The following LRFN2 variants were observed in gnomAD, a reference collection of about 807,000 sequenced individuals.
The protein encoded by LRFN2 is leucine-rich repeat and fibronectin type-III domain-containing protein 2.
In LRFN2, 18 loss-of-function variants were observed where a neutral mutation model predicts 37.3. That is an observed-to-expected ratio of 0.48 (90% CI 0.33 to 0.72). LRFN2 has a LOEUF of 0.72. LRFN2 is among the 30% of genes least tolerant of loss of function. LRFN2 has a pLI of 0.02. For missense variants in LRFN2, 1,006 were observed against 1,060.7 expected, an observed-to-expected ratio of 0.95 and a Z score of 0.72; for synonymous variants, 556 against 466.6, an observed-to-expected ratio of 1.19 and a Z score of -2.47.
At chr6:40,542,476 T>C (rs1160604652) in intron 1 of LRFN2, among the ~76,000 whole-genome samples, 1 of 151,488 alleles carries the variant, frequency 6.6e-6, no homozygotes, top group African/African-American at 2.4e-5. Context: ...GGAAAACATC[T>C]GCAGAGCACC....
At chr6:40,453,873 A>T (rs1237362379) in intron 1 of LRFN2, among the ~76,000 whole-genome samples, 2 of 152,198 alleles carry the variant, frequency 1.3e-5, no homozygotes, top group Non-Finnish European at 2.9e-5. Flanking sequence ...TCCCATAAAC[A>T]TCCAGGCCCT....
At chr6:40,395,496 C>T (rs1465269846) in intron 2 of LRFN2, among the ~76,000 whole-genome samples, 1 of 152,174 alleles carries the variant, frequency 6.6e-6, no homozygotes, top group South Asian at 2.1e-4. Flanking sequence ...CTGGGCAGGG[C>T]CTGAGGAGCC....
chr6:40,436,963 A>G (rs1382663007), intron 1 of LRFN2, among the ~76,000 whole-genome samples: 1 of 152,086 alleles, frequency 6.6e-6, no homozygotes, highest in Non-Finnish European at 1.5e-5. Flanking sequence ...ACATCCAAGG[A>G]TGTCCCTTGC....
At chr6:40,457,530 T>C (rs1032070723) in intron 1 of LRFN2, among the ~76,000 whole-genome samples, 4 of 150,742 alleles carry the variant, frequency 2.7e-5, no homozygotes, top group Non-Finnish European at 5.9e-5. Context: ...CCCAGCACCT[T>C]GAGAGGCTGA....
chr6:40,530,415 C>A (rs1766323032), intron 1 of LRFN2, among the ~76,000 whole-genome samples: 1 of 152,156 alleles, frequency 6.6e-6, no homozygotes, highest in Non-Finnish European at 1.5e-5. Flanking sequence ...TGAATAGTAG[C>A]TCATTGAGAC....
At chr6:40,397,874 C>T (rs1420441156) in intron 2 of LRFN2, among the ~76,000 whole-genome samples, 1 of 148,982 alleles carries the variant, frequency 6.7e-6, no homozygotes, top group East Asian at 1.9e-4. Context: ...TGGATGCCGG[C>T]CCATGGACTG....
At chr6:40,414,476 A>G (rs1763051204) in intron 2 of LRFN2, among the ~76,000 whole-genome samples, 1 of 152,252 alleles carries the variant, frequency 6.6e-6, no homozygotes, top group Admixed American at 6.5e-5. Context: ...GAAACCATGT[A>G]GAACAGTACG....
chr6:40,435,944 TG>T (rs1384641362), intron 1 of LRFN2, among the ~76,000 whole-genome samples: 1 of 152,182 alleles, frequency 6.6e-6, no homozygotes, highest in African/African-American at 2.4e-5. Context: ...GCCAGAGGCT[TG>T]CCCTGTATTT....
At chr6:40,545,373 C>T (rs1336861434) in intron 1 of LRFN2, among the ~76,000 whole-genome samples, 7 of 152,150 alleles carry the variant, frequency 4.6e-5, no homozygotes, top group Admixed American at 2.6e-4. Flanking sequence ...GGACCTCCTA[C>T]GAGGCCCCTC....
intron 1 of LRFN2, among the ~76,000 whole-genome samples, chr6:40,551,517 GT>G (rs960455426): frequency 1.8e-4 from 27 of 152,290 alleles, no homozygotes; most frequent in African/African-American, 6.3e-4. Flanking sequence ...AGTTGAGTTG[GT>G]TTTTCTATTA....
At chr6:40,407,323 T>C (rs1762868401) in intron 2 of LRFN2, among the ~76,000 whole-genome samples, 1 of 151,596 alleles carries the variant, frequency 6.6e-6, no homozygotes, top group South Asian at 2.1e-4. Flanking sequence ...GTGTAGGCTT[T>C]GGACTCAGAC....
intron 2 of LRFN2, among the ~76,000 whole-genome samples, chr6:40,423,081 A>G (rs550993797): frequency 1.3e-5 from 2 of 152,320 alleles, no homozygotes; most frequent in Non-Finnish European, 2.9e-5. Context: ...ATGTGGGGAT[A>G]GTAATATGAT....
chr6:40,413,611 G>A (rs1763022040), intron 2 of LRFN2, among the ~76,000 whole-genome samples: 1 of 152,164 alleles, frequency 6.6e-6, no homozygotes, highest in African/African-American at 2.4e-5. Flanking sequence ...GAACACTCCA[G>A]GACATGGCCA....
intron 1 of LRFN2, among the ~76,000 whole-genome samples, chr6:40,444,800 C>T (rs185828072): frequency 7.9e-5 from 12 of 152,294 alleles, no homozygotes; most frequent in South Asian, 6.2e-4. Flanking sequence ...CTGTCCACCC[C>T]GCACAGTCTC....
intron 2 of LRFN2, among the ~76,000 whole-genome samples, chr6:40,411,332 TGTGA>T (rs983685266): frequency 2.0e-5 from 3 of 152,128 alleles, no homozygotes; most frequent in African/African-American, 4.8e-5. Flanking sequence ...AGGGGGGCTG[TGTGA>T]GTGAGTGGCC....
intron 1 of LRFN2, chr6:40,502,339 AAGGG>A (rs1454818301): frequency 6.6e-6 from 1 of 152,174 alleles, no homozygotes; most frequent in Admixed American, 6.6e-5. Flanking sequence ...AGGAGGATTG[AAGGG>A]AGGGAGGATT....
Position 40,392,783 on chromosome 6 carries a change from G to A in LRFN2, c.1530C>T (p.Cys510=), listed in dbSNP as rs376037708. 230 of 1,613,954 alleles carry A rather than the reference G, an allele frequency of 1.4e-4. 3 individuals carry two copies. In the South Asian group the frequency reaches 2.0e-3, roughly 14 times the overall value. Residue 510 remains cysteine (C), a synonymous_variant, in exon 3 of 3, where the codon TGC becomes TGT. Transcript: ENST00000338305. This position sits in a 1 kb window ranked among gnomAD's most constrained non-coding sequence, Gnocchi z 4.7. The part of the protein sequence containing the change: ...TTLTATNIVG[C]AQFFTKADYP... ...AGTCAGCCTTGGTGAAGAACTGGGC[G>A]CAGCCCACGATGTTGGTGGCCGTGA...
intron 1 of LRFN2, among the ~76,000 whole-genome samples, chr6:40,568,457 A>G (rs1457224898): frequency 1.3e-5 from 2 of 152,204 alleles, no homozygotes; most frequent in African/African-American, 4.8e-5. Flanking sequence ...AATGGCCCAC[A>G]TGGGTGAGGG....
At chr6:40,579,495 C>T (rs1466068595) in intron 1 of LRFN2, among the ~76,000 whole-genome samples, 1 of 139,740 alleles carries the variant, frequency 7.2e-6, no homozygotes, top group Non-Finnish European at 1.5e-5. Flanking sequence ...ACTTCATTAC[C>T]ATCACCATAT....
Sources: allele counts gnomAD v4.1 joint callset (sites outside exome capture counted in the v4.1 genomes callset), GRCh38; gene constraint gnomAD v4.1.1; non-coding constraint Gnocchi (gnomAD v3.1); transcripts MANE v1.5; gene names NCBI Gene and HGNC (gene_info 2026-07-23, HGNC 2026-07-21).